ZNF787: variants seen among roughly 807,000 people sequenced by gnomAD.
ZNF787 encodes TTF-I-interacting peptide 20.
Under a neutral mutation model 16.9 loss-of-function variants are expected in ZNF787, and 7 were observed. That is an observed-to-expected ratio of 0.42 (90% CI 0.24 to 0.78). The LOEUF (loss-of-function observed/expected upper bound fraction) is 0.78. Among genes scored for constraint, ZNF787 ranks in the 30% least tolerant of loss-of-function variants. The pLI, the probability that ZNF787 is intolerant of heterozygous loss-of-function variation, is 0.30. For missense variants in ZNF787, 551 were observed against 589.3 expected, an observed-to-expected ratio of 0.94 and a Z score of 0.67; for synonymous variants, 345 against 270.9, an observed-to-expected ratio of 1.27 and a Z score of -2.69.
At chr19:56,107,165 T>C (rs1342330217) in intron 1 of ZNF787, among the ~76,000 whole-genome samples, 3 of 152,182 alleles carry the variant, frequency 2.0e-5, no homozygotes, top group African/African-American at 7.2e-5. Flanking sequence ...GATAGCCCTC[T>C]GGGTAGGTCT....
Position 56,088,492 on chromosome 19 carries a change from A to ACCG in ZNF787, c.677_679dup (p.Ala226dup). 1 of 1,376,430 alleles carries ACCG rather than the reference A, an allele frequency of 7.3e-7. No individual in the cohort carries two copies. Among genetic ancestry groups the ACCG allele is most frequent in the Non-Finnish European group, 9.4e-7 (1 of 1,068,980 alleles). The allele number at this position is 1,376,430 out of a possible 1,614,324, so 85.3% of individuals were successfully genotyped here. ...GATGGCGATCTCGCCGTCCGCCGCCACCGCCTCTTCGGGCCCCTTGGCCCG... is the reference window on the plus strand; with the variant it reads ...GATGGCGATCTCGCCGTCCGCCGCCACCGCCGCCTCTTCGGGCCCCTTGGCCCG... On this transcript the variant is annotated inframe_insertion, in exon 3 of 3. Coordinates refer to ENST00000610935, the MANE Select transcript of ZNF787 (RefSeq NM_001002836.4). The surrounding 1 kb of genome is among the most constrained non-coding windows in gnomAD (Gnocchi z 8.6).
At position 56,088,115 on chromosome 19, in the gene ZNF787, T is replaced by G. The variant is rs1985398674; in HGVS notation, c.1057A>C (p.Ser353Arg). The G allele has an allele frequency of 6.5e-7, 1 of 1,537,226 alleles. No homozygotes were observed. Among genetic ancestry groups the G allele is most frequent in the Admixed American group, 1.9e-5 (1 of 52,788 alleles). The part of the protein sequence containing the change: ...APSVCSSCGQ[S>R]YYRAGGEEED... ...TCCTCCCCGCCCGCGCGGTAGTAGC[T>G]CTGTCCGCAGCTGCTGCAGACCGAG... The change falls in exon 3 of 3, where the codon AGC (serine) becomes CGC (arginine). Residue 353 changes from serine (S) to arginine (R), a missense_variant. By Grantham distance (110) the Ser-to-Arg change is moderately radical. Coordinates refer to ENST00000610935, the MANE Select transcript of ZNF787 (RefSeq NM_001002836.4). This position sits in a 1 kb window ranked among gnomAD's most constrained non-coding sequence, Gnocchi z 8.6.
At chr19:56,093,000 T>C (rs923723139) in intron 2 of ZNF787, among the ~76,000 whole-genome samples, 7 of 147,498 alleles carry the variant, frequency 4.7e-5, no homozygotes, top group Non-Finnish European at 8.9e-5. Flanking sequence ...GGATACCCCA[T>C]AGACACAGGA....
chr19:56,095,457 G>A (rs1985835755), intron 2 of ZNF787, among the ~76,000 whole-genome samples: 2 of 152,190 alleles, frequency 1.3e-5, no homozygotes, highest in African/African-American at 4.8e-5. Context: ...CTCATTTTAT[G>A]TATAAGTTTC....
intron 2 of ZNF787, among the ~76,000 whole-genome samples, chr19:56,092,369 G>A (rs1277165329): frequency 6.6e-6 from 1 of 152,206 alleles, no homozygotes; most frequent in East Asian, 1.9e-4. Flanking sequence ...CTGAGGTCCC[G>A]AGGGGATGGG....
chr19:56,104,488 C>T lies in ZNF787; in HGVS notation c.-10-1261G>A, dbSNP rs116248336. Among the ~76,000 whole-genome samples, 948 of 138,540 alleles carry T rather than the reference C, an allele frequency of 6.8e-3. 12 individuals carry two copies. The highest frequency in any genetic ancestry group is 0.024 in the African/African-American group (876 of 36,796). 90.9% of individuals were successfully genotyped at this position (138,540 alleles called of 152,430 possible). On this transcript the variant is annotated intron_variant, in intron 1 of 2. Coordinates refer to ENST00000610935, the MANE Select transcript of ZNF787 (RefSeq NM_001002836.4). Reference sequence around the variant, plus strand: ...CACGCACCGGGAGGGTCCCTACGCACGCCGACCCGTGCCACGCACAGTGAG... The same window carrying T: ...CACGCACCGGGAGGGTCCCTACGCATGCCGACCCGTGCCACGCACAGTGAG...
At chr19:56,100,546 C>T (rs1986050763) in intron 2 of ZNF787, among the ~76,000 whole-genome samples, 1 of 152,156 alleles carries the variant, frequency 6.6e-6, no homozygotes, top group South Asian at 2.1e-4. Flanking sequence ...CCAGGGTATG[C>T]TCCTCTCCAG....
At chr19:56,090,041 G>A (rs1985512674) in intron 2 of ZNF787, among the ~76,000 whole-genome samples, 1 of 152,164 alleles carries the variant, frequency 6.6e-6, no homozygotes, top group African/African-American at 2.4e-5. Flanking sequence ...CACCCCAGGT[G>A]CACCCCACAG....
chr19:56,099,344 G>A (rs193176731), intron 2 of ZNF787, among the ~76,000 whole-genome samples: 58 of 152,322 alleles, frequency 3.8e-4, no homozygotes, highest in African/African-American at 1.3e-3. Flanking sequence ...GGACAGGCAC[G>A]CAGGGGAGGG....
intron 1 of ZNF787, among the ~76,000 whole-genome samples, chr19:56,115,663 AC>A (rs1204342349): frequency 6.6e-6 from 1 of 150,904 alleles, no homozygotes; most frequent in Admixed American, 6.6e-5. Context: ...CACCCGCACC[AC>A]CCACACCCTC....
At position 56,088,071 on chromosome 19, in the gene ZNF787, CTCG is replaced by C. The variant is rs5828672; in HGVS notation, c.1098_1100del (p.Asp366del). ...ACTCGGGGCACCGCCCGCCCGCGGC[CTCG>C]TCGTCGTCGTCCTCCTCCTCCCCGC... On this transcript the variant is annotated inframe_deletion, in exon 3 of 3. Transcript: ENST00000610935. The surrounding 1 kb of genome is among the most constrained non-coding windows in gnomAD (Gnocchi z 8.6). The C allele has an allele frequency of 8.4e-5, 123 of 1,469,042 alleles. No homozygotes were observed. The highest frequency in any genetic ancestry group is 4.9e-4 in the Admixed American group (20 of 40,648). 91.0% of individuals were successfully genotyped at this position (1,469,042 alleles called of 1,614,324 possible).
chr19:56,088,305 G>A lies in ZNF787; in HGVS notation c.867C>T (p.Phe289=), dbSNP rs1356226411. 15 of 1,340,976 alleles carry A rather than the reference G, an allele frequency of 1.1e-5. No individual in the cohort carries two copies. In the South Asian group the frequency reaches 2.0e-4, roughly 18 times the overall value. The allele number at this position is 1,340,976 out of a possible 1,614,324, so 83.1% of individuals were successfully genotyped here. ...PYVCLECGKG[F]GHGAGLLAHQ... The stretch of plus-strand genomic sequence containing the variant: ...GCGCCAGGAGCCCGGCCCCGTGCCC[G>A]AAGCCCTTCCCGCACTCCAGACACA... Residue 289 remains phenylalanine (F), a synonymous_variant, in exon 3 of 3, where the codon TTC becomes TTT. Transcript: ENST00000610935. The surrounding 1 kb of genome is among the most constrained non-coding windows in gnomAD (Gnocchi z 8.6).
chr19:56,097,053 T>C (rs1985900694), intron 2 of ZNF787, among the ~76,000 whole-genome samples: 1 of 152,030 alleles, frequency 6.6e-6, no homozygotes, highest in South Asian at 2.1e-4. Flanking sequence ...CCTCCTGAGA[T>C]CTTCAGGAGC....
intron 2 of ZNF787, among the ~76,000 whole-genome samples, chr19:56,100,013 G>T (rs567391455): frequency 6.6e-6 from 1 of 152,140 alleles, no homozygotes; most frequent in African/African-American, 2.4e-5. Context: ...CCAGTGCGCC[G>T]TGACTGTGTG....
chr19:56,103,400 G>A (rs770616176), intron 1 of ZNF787, 173 bp from the exon 2 acceptor site: 40 of 524,492 alleles, frequency 7.6e-5, no homozygotes, highest in Admixed American at 2.2e-4. Flanking sequence ...TAGCCTGGCC[G>A]CTCCCCACTG....
At chr19:56,096,486 G>A (rs538742431) in intron 2 of ZNF787, among the ~76,000 whole-genome samples, 129 of 151,930 alleles carry the variant, frequency 8.5e-4, no homozygotes, top group African/African-American at 2.9e-3. Context: ...AGGCCGAGGC[G>A]GGTGGATCAC....
chr19:56,117,049 G>A (rs1324754499), intron 1 of ZNF787, among the ~76,000 whole-genome samples: 1 of 152,140 alleles, frequency 6.6e-6, no homozygotes, highest in African/African-American at 2.4e-5. Context: ...AGGGCAGGGT[G>A]GGATCTGGCC....
intron 1 of ZNF787, among the ~76,000 whole-genome samples, chr19:56,106,457 G>A (rs915540655): frequency 2.0e-5 from 3 of 152,246 alleles, no homozygotes; most frequent in Non-Finnish European, 2.9e-5. Flanking sequence ...GGAGAAGCCT[G>A]CGCAGGCCCC....
chr19:56,116,250 G>A (rs1348214498), intron 1 of ZNF787, among the ~76,000 whole-genome samples: 1 of 152,080 alleles, frequency 6.6e-6, no homozygotes, highest in African/African-American at 2.4e-5. Flanking sequence ...GACCATCCTG[G>A]CTAACACGGT....
Sources: gnomAD v4.1 joint callset for allele counts (sites outside exome capture counted in the v4.1 genomes callset) on GRCh38, gnomAD v4.1.1 for gene constraint, Gnocchi (gnomAD v3.1) non-coding constraint, MANE v1.5 for transcripts, NCBI Gene and HGNC (gene_info 2026-07-23, HGNC 2026-07-21) for gene names.